Variants in SLC49A4 observed in about 807,000 individuals in gnomAD.
SLC49A4 encodes the protein solute carrier family 49 member 4.
In SLC49A4, 36 loss-of-function variants were observed where a neutral mutation model predicts 50.6. That is an observed-to-expected ratio of 0.71 (90% confidence interval 0.55 to 0.94). The LOEUF (loss-of-function observed/expected upper bound fraction) is 0.94, where lower values mean the gene tolerates loss of function less well. SLC49A4 is among the 40% of genes least tolerant of loss of function. The pLI is 0.00. For synonymous variants in SLC49A4, 248 were observed against 241.2 expected (o/e 1.03, Z -0.26); for missense variants, 503 against 605.7 (o/e 0.83, Z 1.78).
chr3:122,850,145 A>G (rs957015806), intron 5 of SLC49A4, among the ~76,000 whole-genome samples: 24 of 152,242 alleles, frequency 1.6e-4, no homozygotes, highest in African/African-American at 5.8e-4. Flanking sequence ...CATCTGAATC[A>G]TCAGAATCGT....
chr3:122,803,184 C>T (rs2107555385), intron 1 of SLC49A4, among the ~76,000 whole-genome samples: 1 of 152,094 alleles, frequency 6.6e-6, no homozygotes, highest in East Asian at 1.9e-4. Context: ...AAGAGAAATC[C>T]TTAAAAGCAT....
Position 122,795,270 on chromosome 3 carries a change from C to G in SLC49A4, c.78C>G (p.Ser26=). 7.1e-7 allele frequency: 1 copy of G among 1,404,098 alleles called. No homozygotes were observed. The highest frequency in any genetic ancestry group is 3.0e-5 in the East Asian group (1 of 33,894). 87.0% of individuals were successfully genotyped at this position (1,404,098 alleles called of 1,614,324 possible). A position where few individuals can be genotyped will look rare whatever the true frequency, so the allele number is the denominator to read the frequency against. Residue 26 remains serine (S), a synonymous_variant, in exon 1 of 9, where the codon TCC becomes TCG. Coordinates refer to ENST00000261038, the MANE Select transcript of SLC49A4 (RefSeq NM_032839.3). Reference sequence around the variant, plus strand: ...GGCTCGGGCCTGGGCTGGGGGCCTCCTGGAGAAGCCGGGAGGCGGCGGCGG... The same window carrying G: ...GGCTCGGGCCTGGGCTGGGGGCCTCGTGGAGAAGCCGGGAGGCGGCGGCGG... ...GPGLGPGLGA[S]WRSREAAAAA...
intron 4 of SLC49A4, among the ~76,000 whole-genome samples, chr3:122,834,727 T>C (rs951882386): frequency 5.3e-5 from 8 of 151,490 alleles, no homozygotes; most frequent in African/African-American, 1.7e-4. Flanking sequence ...CAGAACTAAA[T>C]AAAATTGAAA....
chr3:122,813,775 A>G (rs1191257445), intron 2 of SLC49A4, among the ~76,000 whole-genome samples: 1 of 152,232 alleles, frequency 6.6e-6, no homozygotes, highest in Non-Finnish European at 1.5e-5. Context: ...ATATAATTTA[A>G]AAAATCAGGA....
chr3:122,851,434 T>A (rs1418731468), intron 5 of SLC49A4, among the ~76,000 whole-genome samples: 1 of 152,146 alleles, frequency 6.6e-6, no homozygotes, highest in East Asian at 1.9e-4. Context: ...GGGCATAGAA[T>A]TATTGGTTGA....
intron 6 of SLC49A4, among the ~76,000 whole-genome samples, chr3:122,859,003 C>T (rs747826347): frequency 1.3e-5 from 2 of 151,998 alleles, no homozygotes; most frequent in Non-Finnish European, 2.9e-5. Flanking sequence ...TTCCAGATGC[C>T]GTGTATGTTT....
chr3:122,826,681 T>C (rs2107565315), intron 2 of SLC49A4, 119 bp from the exon 3 acceptor site: 6 of 1,004,590 alleles, frequency 6.0e-6, no homozygotes, highest in Non-Finnish European at 7.3e-6. Context: ...GCATGTCATA[T>C]TCTTTACAGA....
intron 2 of SLC49A4, among the ~76,000 whole-genome samples, chr3:122,823,581 C>A (rs1936482861): frequency 6.6e-6 from 1 of 152,188 alleles, no homozygotes; most frequent in Non-Finnish European, 1.5e-5. Context: ...CACATGGTGA[C>A]TACTCAATAT....
intron 6 of SLC49A4, among the ~76,000 whole-genome samples, chr3:122,858,489 A>C (rs1368657649): frequency 1.3e-5 from 2 of 152,148 alleles, no homozygotes; most frequent in Non-Finnish European, 2.9e-5. Flanking sequence ...ATACCTAAGA[A>C]TTTTCTGCTT....
Position 122,795,385 on chromosome 3 carries a change from C to T in SLC49A4, c.193C>T (p.Gln65Ter), listed in dbSNP as rs1270286687. The change falls in exon 1 of 9, where the codon CAG becomes TAG. Residue 65 changes from glutamine to a stop codon, truncating the protein, a stop_gained. Transcript: ENST00000261038. LOFTEE classifies it high-confidence loss of function. ...LLLFSLLAFVQGLVWNTWGPI... is the reference protein window; with the variant it reads ...LLLFSLLAFV ...GCTCTTCTCGCTGCTGGCGTTCGTTCAGGGCCTGGTCTGGAACACCTGGGG... is the reference window on the plus strand; with the variant it reads ...GCTCTTCTCGCTGCTGGCGTTCGTTTAGGGCCTGGTCTGGAACACCTGGGG... 1.0e-5 allele frequency: 16 copies of T among 1,604,168 alleles called. No individual in the cohort carries two copies. The highest frequency in any genetic ancestry group is 1.4e-5 in the Non-Finnish European group (16 of 1,178,106).
intron 6 of SLC49A4, among the ~76,000 whole-genome samples, chr3:122,856,956 C>A (rs1936997427): frequency 6.6e-6 from 1 of 151,698 alleles, no homozygotes; most frequent in South Asian, 2.1e-4. Context: ...TGCCTCTTTC[C>A]ATATTATTGG....
chr3:122,796,481 TCA>T (rs1388708670), intron 1 of SLC49A4, among the ~76,000 whole-genome samples: 1 of 152,190 alleles, frequency 6.6e-6, no homozygotes, highest in Non-Finnish European at 1.5e-5. Flanking sequence ...AATTTATTTC[TCA>T]CAGTTCTGGA....
In SLC49A4 at chr3:122,872,507, G is replaced by A; in HGVS notation, c.1231G>A (p.Val411Ile). The A allele has an allele frequency of 6.2e-7, 1 of 1,613,248 alleles. No individual in the cohort carries two copies. The highest frequency in any genetic ancestry group is 1.1e-5 in the South Asian group (1 of 91,058). ...GCTTTTTGTGGAAACTGTCTACCCA[G>A]TTCCAGAAGGAATTACTTGTGGAGT... Reference protein sequence around the residue: ...FELFVETVYPVPEGITCGVVT... With the variant: ...FELFVETVYPIPEGITCGVVT... Residue 411 changes from valine (V) to isoleucine (I), a missense_variant, in exon 8 of 9, where the codon GTT (valine) becomes ATT (isoleucine). Val to Ile is a conservative substitution (Grantham distance 29). Transcript: ENST00000261038.
chr3:122,847,140 T>C (rs1165854172), intron 5 of SLC49A4, among the ~76,000 whole-genome samples: 3 of 152,104 alleles, frequency 2.0e-5, no homozygotes, highest in Non-Finnish European at 4.4e-5. Flanking sequence ...GAAGCCTTAC[T>C]CTAGTGTAGA....
At chr3:122,859,996 G>A in intron 6 of SLC49A4, 79 bp from the exon 7 acceptor site, 1 of 1,191,388 alleles carries the variant, frequency 8.4e-7, no homozygotes, top group Non-Finnish European at 1.1e-6. Flanking sequence ...TCCTCAAGTA[G>A]TTGTTAGTGA....
At chr3:122,801,695 T>C (rs1164114310) in intron 1 of SLC49A4, among the ~76,000 whole-genome samples, 1 of 152,206 alleles carries the variant, frequency 6.6e-6, no homozygotes, top group Admixed American at 6.5e-5. Context: ...GAAAAGAGCG[T>C]ACCTCAGACC....
chr3:122,850,642 G>C (rs998792250), intron 5 of SLC49A4, among the ~76,000 whole-genome samples: 1 of 145,650 alleles, frequency 6.9e-6, no homozygotes, highest in African/African-American at 2.8e-5. Flanking sequence ...CAAGTAGCTA[G>C]GGCTACAGGT....
intron 2 of SLC49A4, among the ~76,000 whole-genome samples, chr3:122,823,700 G>A (rs751043857): frequency 1.3e-5 from 2 of 152,104 alleles, no homozygotes; most frequent in South Asian, 4.2e-4. Context: ...ATTTTATGAT[G>A]TCTTAGGGTC....
intron 1 of SLC49A4, among the ~76,000 whole-genome samples, chr3:122,797,045 G>C (rs1201321971): frequency 6.6e-6 from 1 of 152,198 alleles, no homozygotes; most frequent in Admixed American, 6.5e-5. Flanking sequence ...GATGTTAGTA[G>C]TTATACTTCC....
Sources: allele counts gnomAD v4.1 joint callset (sites outside exome capture counted in the v4.1 genomes callset), GRCh38; gene constraint gnomAD v4.1.1; transcripts MANE v1.5; gene names NCBI Gene and HGNC (gene_info 2026-07-23, HGNC 2026-07-21).